KIF26B: variants seen among roughly 807,000 people sequenced by gnomAD.
KIF26B encodes the protein kinesin family member 26B.
Under a neutral mutation model 151.2 loss-of-function variants are expected in KIF26B, and 63 were observed. The observed-to-expected ratio is 0.42, with a 90% CI of 0.34 to 0.51. The LOEUF (loss-of-function observed/expected upper bound fraction) is 0.51, where lower values mean the gene tolerates loss of function less well. KIF26B is among the 20% of genes least tolerant of loss of function. The pLI is 0.07. For missense variants in KIF26B, 2,813 were observed against 2,913.6 expected (o/e 0.97, Z 0.79); for synonymous variants, 1,357 against 1,262.1 (o/e 1.08, Z -1.59).
At chr1:245,624,280 T>C (rs945800364) in intron 9 of KIF26B, among the ~76,000 whole-genome samples, 1 of 100,626 alleles carries the variant, frequency 9.9e-6, no homozygotes, top group African/African-American at 4.0e-5. Context: ...TCTGGGAATA[T>C]TTGAAAAAAA....
Position 245,572,739 on chromosome 1 carries a change from G to A in KIF26B, c.1351-29838G>A, listed in dbSNP as rs949907710. On this transcript the variant is annotated intron_variant, in intron 5 of 14. Transcript: ENST00000407071. The surrounding 1 kb of genome is among the most constrained non-coding windows in gnomAD (Gnocchi z 4.2). ...ATTTACTTCATAATGTATTACCTAC[G>A]TATAGTGTATGTTGTTCGCTTCATT... Among the ~76,000 whole-genome samples the A allele has an allele frequency of 2.0e-5, 3 of 152,010 alleles. No individual in the cohort carries two copies. The highest frequency in any genetic ancestry group is 4.4e-5 in the Non-Finnish European group (3 of 68,030).
Position 245,218,955 on chromosome 1 carries a change from A to C in KIF26B, c.465+62272A>C, listed in dbSNP as rs907152557. On this transcript the variant is annotated intron_variant, in intron 2 of 14. Transcript: ENST00000407071. The surrounding 1 kb of genome is among the most constrained non-coding windows in gnomAD (Gnocchi z 4.1). ...GACTTTGCCATTTCAGTTGGCACTG[A>C]CCCTTCCAAGACTGTGTATGCCAGG... Among the ~76,000 whole-genome samples the C allele has an allele frequency of 7.9e-5, 12 of 151,648 alleles. No individual in the cohort carries two copies. Among genetic ancestry groups the C allele is most frequent in the African/African-American group, 2.9e-4 (12 of 41,272 alleles).
At chr1:245,394,876 G>C (rs1173833) in intron 3 of KIF26B, among the ~76,000 whole-genome samples, 98,697 of 151,252 alleles carry the variant, frequency 0.65, 32,199 homozygotes, top group South Asian at 0.71. Context: ...ATTTATAGTA[G>C]AGATGGGATT....
chr1:245,425,168 G>T (rs1281718882), intron 4 of KIF26B, among the ~76,000 whole-genome samples: 2 of 151,948 alleles, frequency 1.3e-5, no homozygotes, highest in Non-Finnish European at 2.9e-5. Flanking sequence ...AATAAAGGTG[G>T]ACTTAATGAT....
rs563039544 is a variant in KIF26B, at chr1:245,264,995, C to T, written c.466-101839C>T. 4.6e-5 allele frequency among the ~76,000 whole-genome samples: 7 copies of T among 150,846 alleles called. No homozygotes were observed. In the East Asian group the frequency reaches 7.8e-4, roughly 17 times the overall value. On this transcript the variant is annotated intron_variant, in intron 2 of 14. Transcript: ENST00000407071. ...CGGGCAGATCACAAGGTCAGGAGAT[C>T]GAGACCATCCTGGCTAACACGGTGA...
chr1:245,227,860 G>A lies in KIF26B; in HGVS notation c.465+71177G>A, dbSNP rs1246160624. 6.6e-6 allele frequency among the ~76,000 whole-genome samples: 1 copy of A among 151,968 alleles called. No homozygotes were observed. Among genetic ancestry groups the A allele is most frequent in the Admixed American group, 6.6e-5 (1 of 15,248 alleles). On this transcript the variant is annotated intron_variant, in intron 2 of 14. Coordinates refer to ENST00000407071, the MANE Select transcript of KIF26B (RefSeq NM_018012.4). This position sits in a 1 kb window ranked among gnomAD's most constrained non-coding sequence, Gnocchi z 4.1. The stretch of plus-strand genomic sequence containing the variant: ...TACTAAAAATACAAAAAATTAGCCG[G>A]GCATGGTGGCGGGCACCTGTAATCC...
rs1340157679 is a variant in KIF26B at position 245,507,130 on chromosome 1, TG to T, written c.1167-33635del. 2.0e-5 allele frequency among the ~76,000 whole-genome samples: 3 copies of T among 152,174 alleles called. 1 individual carries two copies. The highest frequency in any genetic ancestry group is 1.3e-4 in the Admixed American group (2 of 15,272). On this transcript the variant is annotated intron_variant, in intron 4 of 14. Coordinates refer to ENST00000407071, the MANE Select transcript of KIF26B (RefSeq NM_018012.4). ...AGATAAAATTAGCTGCCCAACATTT[TG>T]GTGAGGGAGGAAGAGTCCATTTTTG...
chr1:245,381,368 G>A (rs1673403772), intron 3 of KIF26B, among the ~76,000 whole-genome samples: 1 of 152,174 alleles, frequency 6.6e-6, no homozygotes. Context: ...ATTTTTAAGT[G>A]TACAGTTCAT....
rs373947254 is a variant in KIF26B, at chr1:245,688,254, C to T, written c.5271C>T (p.Ser1757=). 3.4e-5 allele frequency: 54 copies of T among 1,593,990 alleles called. No homozygotes were observed. The highest frequency in any genetic ancestry group is 1.6e-4 in the Middle Eastern group (1 of 6,066). ...GPSASTTKTL[S]FSTKSLPQAV... ...CCGCCTCCACCACCAAAACCCTCAG[C>T]TTCTCCACCAAGTCCCTGCCGCAGG... Residue 1757 remains serine, a synonymous_variant, in exon 12 of 15, where the codon AGC becomes AGT. Coordinates refer to ENST00000407071, the MANE Select transcript of KIF26B (RefSeq NM_018012.4).
At chr1:245,309,297 T>C (rs992441482) in intron 2 of KIF26B, among the ~76,000 whole-genome samples, 32 of 152,156 alleles carry the variant, frequency 2.1e-4, no homozygotes, top group African/African-American at 7.5e-4. Context: ...CTTGGGTGTG[T>C]CTGTGAACAA....
chr1:245,163,107 A>G (rs1156851373), intron 2 of KIF26B, among the ~76,000 whole-genome samples: 1 of 152,180 alleles, frequency 6.6e-6, no homozygotes, highest in Non-Finnish European at 1.5e-5. Context: ...TGAAGATACC[A>G]CCATTGTCAT....
chr1:245,255,765 C>T (rs1311594916), intron 2 of KIF26B, among the ~76,000 whole-genome samples: 2 of 152,178 alleles, frequency 1.3e-5, no homozygotes, highest in African/African-American at 4.8e-5. Flanking sequence ...CACATAAAAA[C>T]CATTTAAGAA....
Position 245,704,876 on chromosome 1 carries a change from G to T in KIF26B, c.*2270G>T, listed in dbSNP as rs918236585. 1 of 147,794 alleles carries T rather than the reference G, an allele frequency of 6.8e-6. No homozygotes were observed. The highest frequency in any genetic ancestry group is 2.5e-5 in the African/African-American group (1 of 39,522). 9.2% of individuals were successfully genotyped at this position (147,794 alleles called of 1,614,324 possible). On this transcript the variant is annotated 3_prime_UTR_variant, in exon 15 of 15. Coordinates refer to ENST00000407071, the MANE Select transcript of KIF26B (RefSeq NM_018012.4). ...ATAGTTCATGAAAAGTCTTTAATTG[G>T]AGATTTTCAAAGGTGAATATTCTGT...
In KIF26B at chr1:245,352,964, A is replaced by C. The variant is rs189368075; in HGVS notation, c.466-13870A>C. 2.0e-5 allele frequency among the ~76,000 whole-genome samples: 3 copies of C among 152,280 alleles called. No individual in the cohort carries two copies. The highest frequency in any genetic ancestry group is 7.2e-5 in the African/African-American group (3 of 41,540). ...CACTGAGTCTGCTCATATTATTCAT[A>C]CGATTATCACGTTAGAGGTTTTGGA... On this transcript the variant is annotated intron_variant, in intron 2 of 14. Coordinates refer to ENST00000407071, the MANE Select transcript of KIF26B (RefSeq NM_018012.4). The surrounding 1 kb of genome is among the most constrained non-coding windows in gnomAD (Gnocchi z 5.0).
intron 6 of KIF26B, among the ~76,000 whole-genome samples, chr1:245,603,888 G>A (rs1239304225): frequency 1.1e-4 from 17 of 152,140 alleles, no homozygotes; most frequent in Admixed American, 1.1e-3. Flanking sequence ...TCTACTATGA[G>A]CATAATTGGG....
At chr1:245,462,608 G>A (rs1330564253) in intron 4 of KIF26B, among the ~76,000 whole-genome samples, 4 of 152,166 alleles carry the variant, frequency 2.6e-5, no homozygotes, top group Admixed American at 6.5e-5. Flanking sequence ...GGTACCCACC[G>A]TGTTAGCGAT....
intron 4 of KIF26B, among the ~76,000 whole-genome samples, chr1:245,474,988 CA>C (rs879581402): frequency 2.7e-5 from 4 of 150,856 alleles, no homozygotes; most frequent in South Asian, 2.1e-4. Flanking sequence ...GTAAAACAAA[CA>C]AAAAAAAATT....
chr1:245,354,909 T>G (rs1031592007), intron 2 of KIF26B, among the ~76,000 whole-genome samples: 2 of 152,120 alleles, frequency 1.3e-5, no homozygotes, highest in African/African-American at 4.8e-5. Flanking sequence ...TGGATGATTT[T>G]TATTTTATTT....
intron 10 of KIF26B, among the ~76,000 whole-genome samples, chr1:245,647,151 T>C (rs1018567091): frequency 1.3e-5 from 2 of 152,042 alleles, no homozygotes; most frequent in Non-Finnish European, 2.9e-5. Flanking sequence ...GTAGGCTGGG[T>C]GCGGTGGCTC....
Sources: gnomAD v4.1 joint callset for allele counts (sites outside exome capture counted in the v4.1 genomes callset) on GRCh38, gnomAD v4.1.1 for gene constraint, Gnocchi (gnomAD v3.1) non-coding constraint, MANE v1.5 for transcripts, NCBI Gene and HGNC (gene_info 2026-07-23, HGNC 2026-07-21) for gene names.